Variants in DNAH9 observed in about 807,000 individuals in gnomAD.
DNAH9 encodes the protein dynein axonemal heavy chain 9, also known as DNAH9 variant protein.
A neutral mutation model predicts 471.6 loss-of-function variants in DNAH9; 345 were observed. The observed-to-expected ratio is 0.73, with a 90% confidence interval of 0.67 to 0.80. The LOEUF (loss-of-function observed/expected upper bound fraction) is 0.80, where lower values mean the gene tolerates loss of function less well. DNAH9 is among the 30% of genes least tolerant of loss of function. The probability of loss-of-function intolerance (pLI) is 0.00; values close to 1 mark genes in which losing one functional copy is unlikely to be tolerated. For missense variants in DNAH9, 5,407 were observed against 5,609.2 expected (o/e 0.96, Z 1.15); for synonymous variants, 2,093 against 2,123.6 (o/e 0.99, Z 0.40).
At chr17:11,721,565 G>C (rs1208555843) in intron 27 of DNAH9, among the ~76,000 whole-genome samples, 2 of 152,072 alleles carry the variant, frequency 1.3e-5, no homozygotes, top group African/African-American at 4.8e-5. Flanking sequence ...CCTTTCCTCA[G>C]CATGTGCTGA....
Position 11,879,944 on chromosome 17 carries a change from A to AC in DNAH9, c.10479-133dup, listed in dbSNP as rs1476233640. ...CTTTACATAGGGAAGAAATGTGGCCACTGAAAACATTCCAAATAGCTGTGC... is the reference window on the plus strand; with the variant it reads ...CTTTACATAGGGAAGAAATGTGGCCACCTGAAAACATTCCAAATAGCTGTGC... On this transcript the variant is annotated intron_variant, in intron 53 of 68. Transcript: ENST00000262442. 123 of 1,041,352 alleles carry AC rather than the reference A, an allele frequency of 1.2e-4. No homozygotes were observed. In the African/African-American group the frequency reaches 1.7e-3, roughly 15 times the overall value. 64.5% of individuals were successfully genotyped at this position (1,041,352 alleles called of 1,614,324 possible).
rs776218055 is a variant in DNAH9 at position 11,784,362 on chromosome 17, C to T, written c.7884C>T (p.Ser2628=). 1.9e-6 allele frequency: 3 copies of T among 1,614,220 alleles called. No homozygotes were observed. The highest frequency in any genetic ancestry group is 1.1e-5 in the South Asian group (1 of 91,084). ...PGADALSSIY[S]IILTQHLKLG... ...CAGATGCCCTGTCCTCTATCTACAG[C>T]ATCATCCTCACTCAGCATCTGAAGC... Residue 2628 remains serine (S), a synonymous_variant, in exon 41 of 69, where the codon AGC becomes AGT. Transcript: ENST00000262442.
At chr17:11,804,626 C>T (rs1274569772) in intron 43 of DNAH9, among the ~76,000 whole-genome samples, 2 of 152,184 alleles carry the variant, frequency 1.3e-5, no homozygotes, top group African/African-American at 4.8e-5. Flanking sequence ...CGCCTGTAAT[C>T]CCAGGGAGGG....
At chr17:11,801,476 G>A (rs1969459286) in intron 43 of DNAH9, among the ~76,000 whole-genome samples, 1 of 152,174 alleles carries the variant, frequency 6.6e-6, no homozygotes, top group South Asian at 2.1e-4. Context: ...GATCACCTGA[G>A]GTCAGGAGTT....
intron 49 of DNAH9, among the ~76,000 whole-genome samples, chr17:11,836,254 T>A (rs7220327): frequency 0.042 from 6,353 of 152,276 alleles, 447 homozygotes; most frequent in African/African-American, 0.14. Flanking sequence ...AATTCTGCAT[T>A]GTCACCTCAT....
chr17:11,767,586 G>T (rs192823883), intron 36 of DNAH9, among the ~76,000 whole-genome samples: 76 of 152,144 alleles, frequency 5.0e-4, no homozygotes, highest in Non-Finnish European at 1.3e-4. Context: ...TTCCTAAAAT[G>T]ACCAATATGG....
chr17:11,887,041 C>T (rs1054134498), intron 57 of DNAH9, 76 bp downstream of exon 57: 16 of 1,508,778 alleles, frequency 1.1e-5, no homozygotes, highest in Middle Eastern at 1.8e-4. Context: ...TCTGTGAGAG[C>T]TTATCCATGT....
intron 63 of DNAH9, among the ~76,000 whole-genome samples, chr17:11,930,423 C>G (rs553079543): frequency 5.3e-5 from 8 of 152,288 alleles, no homozygotes; most frequent in African/African-American, 1.7e-4. Flanking sequence ...GGGTCACACA[C>G]TGATGGGCTA....
intron 61 of DNAH9, among the ~76,000 whole-genome samples, chr17:11,911,229 T>A (rs1390899480): frequency 6.6e-6 from 1 of 152,174 alleles, no homozygotes; most frequent in Non-Finnish European, 1.5e-5. Context: ...AAGGAAAGGG[T>A]CCAACTTTGT....
chr17:11,910,384 G>C (rs931174037), intron 61 of DNAH9, among the ~76,000 whole-genome samples: 12 of 152,264 alleles, frequency 7.9e-5, no homozygotes, highest in Admixed American at 5.2e-4. Flanking sequence ...GCATGTATCA[G>C]AACTACATTC....
At chr17:11,656,507 G>T (rs980046503) in intron 14 of DNAH9, among the ~76,000 whole-genome samples, 1 of 152,122 alleles carries the variant, frequency 6.6e-6, no homozygotes, top group Non-Finnish European at 1.5e-5. Context: ...GATATCATGC[G>T]TAACGTTTAA....
intron 15 of DNAH9, among the ~76,000 whole-genome samples, 157 bp downstream of exon 15, chr17:11,665,125 A>G (rs2073845687): frequency 6.6e-6 from 1 of 152,240 alleles, no homozygotes; most frequent in South Asian, 2.1e-4. Context: ...AAGGTATCGA[A>G]CTTCTAAATT....
intron 49 of DNAH9, among the ~76,000 whole-genome samples, chr17:11,853,518 G>A (rs1398483318): frequency 6.6e-6 from 1 of 152,112 alleles, no homozygotes; most frequent in Non-Finnish European, 1.5e-5. Flanking sequence ...TTTCTTGGCA[G>A]AAAATGCTGT....
chr17:11,648,319 C>A (rs563513106), intron 12 of DNAH9, among the ~76,000 whole-genome samples: 1 of 152,188 alleles, frequency 6.6e-6, no homozygotes, highest in Non-Finnish European at 1.5e-5. Context: ...ATAGAGAATT[C>A]ATGTCTTCAC....
chr17:11,835,013 C>T (rs1175443898), intron 49 of DNAH9, 115 bp downstream of exon 49: 1 of 1,362,054 alleles, frequency 7.3e-7, no homozygotes, highest in African/African-American at 1.5e-5. Context: ...GGGTGGGCTC[C>T]AACTGTCACT....
intron 8 of DNAH9, 58 bp downstream of exon 8, chr17:11,632,761 G>A: frequency 1.2e-6 from 1 of 815,922 alleles, no homozygotes; most frequent in Admixed American, 1.8e-5. Context: ...GCCCTCATCA[G>A]AGGATGATAT....
chr17:11,871,083 G>T (rs777945555), intron 51 of DNAH9, among the ~76,000 whole-genome samples: 10 of 152,072 alleles, frequency 6.6e-5, no homozygotes, highest in African/African-American at 2.4e-4. Context: ...AGGGCTGGGG[G>T]GTCAGGACTT....
chr17:11,907,969 A>T (rs1253701662), intron 61 of DNAH9, among the ~76,000 whole-genome samples: 1 of 152,178 alleles, frequency 6.6e-6, no homozygotes, highest in East Asian at 1.9e-4. Context: ...ATGAAAAACA[A>T]GGATTTAGCG....
intron 35 of DNAH9, among the ~76,000 whole-genome samples, chr17:11,762,543 G>C (rs1215255935): frequency 6.6e-6 from 1 of 152,124 alleles, no homozygotes; most frequent in Non-Finnish European, 1.5e-5. Flanking sequence ...CACCAGGCCA[G>C]GGCAGAGTTA....
Sources: allele counts gnomAD v4.1 joint callset (sites outside exome capture counted in the v4.1 genomes callset), GRCh38; gene constraint gnomAD v4.1.1; transcripts MANE v1.5; gene names NCBI Gene and HGNC (gene_info 2026-07-23, HGNC 2026-07-21).